PCDH11X: variants seen among roughly 807,000 people sequenced by gnomAD.
The protein encoded by PCDH11X is protocadherin 11 X-linked.
A neutral mutation model predicts 53.3 loss-of-function variants in PCDH11X; 18 were observed. That is an observed-to-expected ratio of 0.34 (90% CI 0.23 to 0.50). The LOEUF is 0.50. Ranked by LOEUF, PCDH11X falls within the 20% of genes least tolerant of loss-of-function variation. PCDH11X has a pLI of 0.98. For missense variants in PCDH11X, 570 were observed against 1,032.4 expected, an observed-to-expected ratio of 0.55 and a Z score of 6.14; for synonymous variants, 279 against 393.3, an observed-to-expected ratio of 0.71 and a Z score of 3.44.
chrX:92,221,271 T>G (rs2066869592), intron 7 of PCDH11X, among the ~76,000 whole-genome samples: 1 of 62,576 alleles, frequency 1.6e-5, no homozygotes, highest in African/African-American at 5.1e-5. Context: ...AAGAAAACAT[T>G]GTATACAACA....
At chrX:92,396,672 C>T (rs764494148) in intron 9 of PCDH11X, among the ~76,000 whole-genome samples, 134 of 105,855 alleles carry the variant, frequency 1.3e-3, no homozygotes, top group African/African-American at 4.5e-3. Flanking sequence ...GGTGAAACCC[C>T]GTGTCTACAA....
chrX:92,265,962 A>G (rs769627194), intron 8 of PCDH11X, among the ~76,000 whole-genome samples: 1 of 112,261 alleles, frequency 8.9e-6, no homozygotes, highest in African/African-American at 3.2e-5. Context: ...AACTACAATA[A>G]TGCTACAGAC....
chrX:92,446,590 A>G (rs2072652339), intron 9 of PCDH11X, among the ~76,000 whole-genome samples: 1 of 111,322 alleles, frequency 9.0e-6, no homozygotes, highest in Non-Finnish European at 1.9e-5. Context: ...CTTGCCTTCT[A>G]CCATAATTGT....
intron 6 of PCDH11X, among the ~76,000 whole-genome samples, chrX:92,173,981 T>A (rs1474696785): frequency 4.7e-5 from 1 of 21,250 alleles, no homozygotes; most frequent in Admixed American, 1.0e-3. Flanking sequence ...TGAGACCCAG[T>A]CTCAAAAAAA....
chrX:92,527,811 C>T (rs760782945), intron 10 of PCDH11X, among the ~76,000 whole-genome samples: 2 of 111,274 alleles, frequency 1.8e-5, no homozygotes, highest in East Asian at 5.6e-4. Context: ...CTGAATTGTT[C>T]AGCCCAAATA....
chrX:92,385,881 T>A (rs1438699849), intron 8 of PCDH11X, among the ~76,000 whole-genome samples: 1 of 111,069 alleles, frequency 9.0e-6, no homozygotes, highest in Non-Finnish European at 1.9e-5. Context: ...CTCCTCAATA[T>A]TACTTAGTTC....
chrX:92,017,809 A>G (rs1413045501), intron 6 of PCDH11X, among the ~76,000 whole-genome samples: 2 of 102,635 alleles, frequency 1.9e-5, no homozygotes, highest in Non-Finnish European at 3.9e-5. Flanking sequence ...GCTGTTGGAA[A>G]AATGAAAAAT....
chrX:91,962,935 A>G (rs2061811193), intron 6 of PCDH11X, among the ~76,000 whole-genome samples: 1 of 110,333 alleles, frequency 9.1e-6, no homozygotes, highest in Admixed American at 9.6e-5. Flanking sequence ...GACACAGGGC[A>G]TCAAGTCCCA....
At chrX:92,490,422 A>C (rs2073734696) in intron 10 of PCDH11X, among the ~76,000 whole-genome samples, 2 of 111,847 alleles carry the variant, frequency 1.8e-5, no homozygotes, top group Non-Finnish European at 3.8e-5. Flanking sequence ...TTATGTCAGA[A>C]ATAGGCGTTT....
chrX:92,106,141 G>A (rs1317884861), intron 6 of PCDH11X, among the ~76,000 whole-genome samples: 1 of 109,026 alleles, frequency 9.2e-6, no homozygotes, highest in Non-Finnish European at 1.9e-5. Context: ...TCTAGAAATG[G>A]GATTGTTGAA....
intron 6 of PCDH11X, among the ~76,000 whole-genome samples, chrX:92,133,587 A>C (rs2065031567): frequency 9.0e-6 from 1 of 111,631 alleles, no homozygotes; most frequent in Non-Finnish European, 1.9e-5. Flanking sequence ...GTTGGTCTTG[A>C]ACTCCCCACC....
intron 10 of PCDH11X, among the ~76,000 whole-genome samples, chrX:92,616,423 T>C (rs1022908285): frequency 6.4e-5 from 6 of 94,033 alleles, no homozygotes; most frequent in African/African-American, 2.3e-4. Flanking sequence ...AGATTAAAGA[T>C]GTGGGTCAAG....
intron 6 of PCDH11X, among the ~76,000 whole-genome samples, chrX:92,019,039 C>T (rs758217915): frequency 1.5e-4 from 17 of 111,043 alleles, no homozygotes; most frequent in South Asian, 3.9e-4. Context: ...ACTGAGGGAT[C>T]GAGACAACTG....
chrX:92,094,258 A>C (rs2064099147), intron 6 of PCDH11X, among the ~76,000 whole-genome samples: 1 of 109,548 alleles, frequency 9.1e-6, no homozygotes, highest in Non-Finnish European at 1.9e-5. Flanking sequence ...TGGTTTAAAT[A>C]ACTGAAAAAA....
At chrX:91,807,176 CAAAAAAAAAA>C (rs1218341876) in intron 1 of PCDH11X, among the ~76,000 whole-genome samples, 1 of 32,306 alleles carries the variant, frequency 3.1e-5, no homozygotes, top group Non-Finnish European at 5.6e-5. Context: ...CTCATCTCTA[CAAAAAAAAAA>C]AAAAAAAAAA....
At chrX:91,814,875 T>C (rs1192680092) in intron 4 of PCDH11X, among the ~76,000 whole-genome samples, 1 of 105,643 alleles carries the variant, frequency 9.5e-6, no homozygotes, top group Non-Finnish European at 1.9e-5. Flanking sequence ...TCCCACAGGA[T>C]TAGACTTGTC....
chrX:91,824,969 C>T (rs891599647), intron 4 of PCDH11X, among the ~76,000 whole-genome samples: 11 of 109,499 alleles, frequency 1.0e-4, no homozygotes, highest in African/African-American at 3.8e-4. Flanking sequence ...TGGGGGGTGC[C>T]TCCCAGTTAG....
At chrX:92,492,041 G>A (rs2073776257) in intron 10 of PCDH11X, among the ~76,000 whole-genome samples, 2 of 111,438 alleles carry the variant, frequency 1.8e-5, no homozygotes, top group Non-Finnish European at 3.8e-5. Context: ...AGGCAAATAT[G>A]CACTAATCGG....
intron 6 of PCDH11X, among the ~76,000 whole-genome samples, chrX:91,881,845 A>T (rs1304842458): frequency 9.0e-6 from 1 of 110,622 alleles, no homozygotes; most frequent in Non-Finnish European, 1.9e-5. Context: ...CTGTTAGCAG[A>T]AGGCAGAATT....
Sources: gnomAD v4.1 joint callset for allele counts (sites outside exome capture counted in the v4.1 genomes callset) on GRCh38, gnomAD v4.1.1 for gene constraint, MANE v1.5 for transcripts, NCBI Gene and HGNC (gene_info 2026-07-23, HGNC 2026-07-21) for gene names.